PDE1A: variants seen among roughly 807,000 people sequenced by gnomAD.
PDE1A encodes phosphodiesterase 1A.
A neutral mutation model predicts 61.7 loss-of-function variants in PDE1A; 35 were observed. The ratio of observed to expected loss-of-function variants is 0.57; its 90% CI spans 0.43 to 0.75. The LOEUF (loss-of-function observed/expected upper bound fraction) is 0.75, where lower values mean the gene tolerates loss of function less well. Ranked by LOEUF, PDE1A falls within the 30% of genes least tolerant of loss-of-function variation. The pLI, the probability that PDE1A is intolerant of heterozygous loss-of-function variation, is 0.00. For synonymous variants in PDE1A, 232 were observed against 213.2 expected (o/e 1.09, Z -0.77); for missense variants, 597 against 630.6 (o/e 0.95, Z 0.57).
rs182234690 is a variant in PDE1A at position 182,274,170 on chromosome 2, C to T, written c.54-9756G>A. On this transcript the variant is annotated intron_variant, in intron 1 of 13. Transcript: ENST00000351439. ...ATCTAATCACCTCCCAAAGGCCCAA[C>T]CTCCTACCGTCACCTTGGAAGGGTT... Among the ~76,000 whole-genome samples the T allele has an allele frequency of 7.9e-5, 12 of 152,170 alleles. No individual in the cohort carries two copies. The East Asian group carries it at 1.9e-3, about 25-fold the overall frequency.
chr2:182,554,376 C>T, the PDE1A span, among the ~76,000 whole-genome samples: 2 of 152,166 alleles, frequency 1.3e-5, no homozygotes, highest in African/African-American at 4.8e-5. Context: ...AACATAGAAT[C>T]ACAGATTCTC....
the PDE1A span, among the ~76,000 whole-genome samples, chr2:182,684,767 T>G: frequency 6.6e-6 from 1 of 152,210 alleles, no homozygotes; most frequent in African/African-American, 2.4e-5. Flanking sequence ...GCCAGGCTGG[T>G]CTCGAATTCC....
intron 1 of PDE1A, among the ~76,000 whole-genome samples, chr2:182,302,078 T>A (rs1403231814): frequency 6.6e-6 from 1 of 152,082 alleles, no homozygotes; most frequent in Non-Finnish European, 1.5e-5. Context: ...AGGAATGGGG[T>A]GAAGTTAATG....
intron 13 of PDE1A, among the ~76,000 whole-genome samples, chr2:182,159,346 C>G (rs372401700): frequency 2.3e-4 from 35 of 152,230 alleles, no homozygotes; most frequent in African/African-American, 8.4e-4. Flanking sequence ...CCATTCAGAA[C>G]AAGCTAATTC....
intron 1 of PDE1A, among the ~76,000 whole-genome samples, chr2:182,350,010 GA>G (rs1698770394): frequency 6.6e-6 from 1 of 152,044 alleles, no homozygotes; most frequent in Non-Finnish European, 1.5e-5. Flanking sequence ...GATTAAGAAA[GA>G]AAATATTATC....
At chr2:182,602,373 C>T in the PDE1A span, among the ~76,000 whole-genome samples, 31 of 152,342 alleles carry the variant, frequency 2.0e-4, no homozygotes, top group African/African-American at 6.7e-4. Flanking sequence ...CTGGAGCGGC[C>T]ACTGCCATCA....
At chr2:182,304,561 G>A (rs997566332) in intron 1 of PDE1A, among the ~76,000 whole-genome samples, 2 of 152,140 alleles carry the variant, frequency 1.3e-5, no homozygotes, top group Non-Finnish European at 2.9e-5. Context: ...TCTAGCTTAT[G>A]ATTTAAAGTA....
chr2:182,333,632 G>C (rs1431605833), intron 1 of PDE1A, among the ~76,000 whole-genome samples: 1 of 152,092 alleles, frequency 6.6e-6, no homozygotes, highest in African/African-American at 2.4e-5. Context: ...AAAGCAGAAA[G>C]ATCTAAAATC....
At chr2:182,602,981 T>TCTCA in the PDE1A span, among the ~76,000 whole-genome samples, 9 of 148,786 alleles carry the variant, frequency 6.0e-5, no homozygotes, top group Non-Finnish European at 1.2e-4. Context: ...CTAAAATACA[T>TCTCA]CACACACACA....
rs867217430 is a variant in PDE1A at position 182,278,747 on chromosome 2, G to A, written c.54-14333C>T. ...CATTCCAGAAGGAGCCTTCACTCTGGTAAGTTCAACCCTGTTCTCTATAGT... is the reference window on the plus strand; with the variant it reads ...CATTCCAGAAGGAGCCTTCACTCTGATAAGTTCAACCCTGTTCTCTATAGT... On this transcript the variant is annotated intron_variant, in intron 1 of 13. Transcript: ENST00000351439. Among the ~76,000 whole-genome samples the A allele has an allele frequency of 4.6e-5, 7 of 152,072 alleles. No individual in the cohort carries two copies. The South Asian group carries it at 8.3e-4, about 18-fold the overall frequency.
At chr2:182,620,484 T>C in the PDE1A span, among the ~76,000 whole-genome samples, 1 of 152,218 alleles carries the variant, frequency 6.6e-6, no homozygotes, top group Admixed American at 6.5e-5. Context: ...CTTCTATTGT[T>C]ATCCCCCATC....
intron 7 of PDE1A, among the ~76,000 whole-genome samples, chr2:182,211,936 T>C (rs1374623485): frequency 2.6e-5 from 4 of 152,134 alleles, no homozygotes; most frequent in Admixed American, 1.3e-4. Flanking sequence ...AATCATATCA[T>C]CTGCAAACAA....
At chr2:182,496,724 T>C (rs1194060634) in intron 2 of PDE1A, among the ~76,000 whole-genome samples, 5 of 152,256 alleles carry the variant, frequency 3.3e-5, no homozygotes, top group Non-Finnish European at 7.3e-5. Context: ...GTCTAGCCAC[T>C]GGCTCCATAG....
rs114268954 is a variant in PDE1A, at chr2:182,223,239, C to T, written c.776+625G>A. On this transcript the variant is annotated intron_variant, in intron 7 of 13. Coordinates refer to ENST00000351439, the Ensembl canonical transcript of PDE1A. ...GCAACCTCAGAGGAAACCAAACCAG[C>T]TGACACTGTGATCCTGTACTCCTAG... is the stretch of plus-strand genomic sequence containing the variant. Among the ~76,000 whole-genome samples the T allele has an allele frequency of 8.7e-3, 1,326 of 152,046 alleles. 9 individuals carry two copies. Among genetic ancestry groups the T allele is most frequent in the Non-Finnish European group, 0.011 (745 of 67,916 alleles).
intron 1 of PDE1A, among the ~76,000 whole-genome samples, chr2:182,374,416 A>G (rs1318950970): frequency 6.6e-6 from 1 of 152,150 alleles, no homozygotes; most frequent in African/African-American, 2.4e-5. Context: ...CCCCAGCACA[A>G]GCAAAAATTT....
intron 2 of PDE1A, among the ~76,000 whole-genome samples, chr2:182,502,763 C>T (rs1454853832): frequency 1.3e-5 from 2 of 152,138 alleles, no homozygotes; most frequent in Non-Finnish European, 2.9e-5. Flanking sequence ...CAGACCTGAG[C>T]TCATCTGACA....
At chr2:182,522,406 G>T in intron 1 of PDE1A, 1 of 1,612,350 alleles carries the variant, frequency 6.2e-7, no homozygotes. Context: ...TACAGTTACA[G>T]TCAGTTTCAG....
the PDE1A span, among the ~76,000 whole-genome samples, chr2:182,631,669 T>C: frequency 1.8e-4 from 27 of 152,238 alleles, no homozygotes; most frequent in African/African-American, 6.5e-4. Flanking sequence ...CTATATAGTT[T>C]GTAATTTCTA....
At chr2:182,460,120 T>G (rs1159604787) in intron 2 of PDE1A, among the ~76,000 whole-genome samples, 1 of 152,138 alleles carries the variant, frequency 6.6e-6, no homozygotes, top group East Asian at 1.9e-4. Flanking sequence ...TCTTCCAACC[T>G]ACCACAAGAG....
Sources: gnomAD v4.1 joint callset for allele counts (sites outside exome capture counted in the v4.1 genomes callset) on GRCh38, gnomAD v4.1.1 for gene constraint, MANE v1.5 for transcripts, NCBI Gene and HGNC (gene_info 2026-07-23, HGNC 2026-07-21) for gene names.